Variants in TTC39C observed in about 807,000 individuals in gnomAD.
TTC39C encodes tetratricopeptide repeat protein 39C.
A neutral mutation model predicts 76.3 loss-of-function variants in TTC39C; 33 were observed. That is an observed-to-expected ratio of 0.43 (90% CI 0.33 to 0.58). The LOEUF (loss-of-function observed/expected upper bound fraction) is 0.58, where lower values mean the gene tolerates loss of function less well. Ranked by LOEUF, TTC39C falls within the 20% of genes least tolerant of loss-of-function variation. The probability of loss-of-function intolerance (pLI) is 0.04; values close to 1 mark genes in which losing one functional copy is unlikely to be tolerated. For synonymous variants in TTC39C, 254 were observed against 260.6 expected (o/e 0.97, Z 0.24); for missense variants, 595 against 701.4 (o/e 0.85, Z 1.71).
At chr18:24,003,201 C>T (rs549435584) in intron 1 of TTC39C, among the ~76,000 whole-genome samples, 4 of 152,192 alleles carry the variant, frequency 2.6e-5, no homozygotes, top group Admixed American at 6.5e-5. Flanking sequence ...TGCCATTGCT[C>T]CTCTGCCTGG....
At chr18:24,127,780 TGGGGGGATTACC>T (rs1158475866) in intron 10 of TTC39C, among the ~76,000 whole-genome samples, 1 of 152,114 alleles carries the variant, frequency 6.6e-6, no homozygotes, top group Non-Finnish European at 1.5e-5. Flanking sequence ...TCTTCCAAAG[TGGGGGGATTACC>T]AGCATAAGCC....
chr18:24,050,014 C>A (rs1316925702), intron 1 of TTC39C, among the ~76,000 whole-genome samples: 1 of 152,176 alleles, frequency 6.6e-6, no homozygotes, highest in East Asian at 1.9e-4. Context: ...CCTTGGCCTT[C>A]ATTTGGCTTT....
rs1223337417 is a variant in TTC39C at position 24,022,564 on chromosome 18, CAT to C, written c.167+7527_167+7528del. 4.1e-6 allele frequency: 4 copies of C among 985,260 alleles called. No individual in the cohort carries two copies. In the East Asian group the frequency reaches 3.4e-4, roughly 84 times the overall value. The allele number at this position is 985,260 out of a possible 1,614,324, so 61.0% of individuals were successfully genotyped here. ...AGAACTTCTACAGTAAAAGGATTCA[CAT>C]GTGTCCTGTCAAAGCCATTTTGGGG... On this transcript the variant is annotated intron_variant, in intron 1 of 13. Transcript: ENST00000317571.
At chr18:24,027,884 G>C (rs1271711379) in intron 1 of TTC39C, among the ~76,000 whole-genome samples, 1 of 250 alleles carries the variant, frequency 4.0e-3, no homozygotes, top group Non-Finnish European at 0.029. Context: ...CCTATCCAAG[G>C]CTGCATGGGG....
chr18:23,995,233 C>T (rs1212193254), intron 1 of TTC39C, among the ~76,000 whole-genome samples: 2 of 152,198 alleles, frequency 1.3e-5, no homozygotes, highest in South Asian at 2.1e-4. Context: ...TTTGGGAGGC[C>T]GAGACGGGTG....
At chr18:24,093,586 A>G (rs2084554285) in intron 6 of TTC39C, among the ~76,000 whole-genome samples, 1 of 152,162 alleles carries the variant, frequency 6.6e-6, no homozygotes, top group Non-Finnish European at 1.5e-5. Context: ...ATGACTTTCA[A>G]CTAAGATATA....
intron 6 of TTC39C, chr18:24,113,702 AAACTG>A (rs2084848815): frequency 1.4e-6 from 1 of 702,190 alleles, no homozygotes; most frequent in South Asian, 1.5e-5. Context: ...GCCTAAGATT[AAACTG>A]ATGCTTTGAA....
intron 6 of TTC39C, among the ~76,000 whole-genome samples, chr18:24,099,830 T>C (rs2145788264): frequency 6.6e-6 from 1 of 152,262 alleles, no homozygotes; most frequent in South Asian, 2.1e-4. Context: ...ATATATTTAC[T>C]TATATCCATT....
upstream of TTC39C, chr18:24,012,886 CGCAT>C (rs2083404772): frequency 7.0e-6 from 1 of 142,510 alleles, no homozygotes; most frequent in African/African-American, 2.6e-5. Flanking sequence ...CACACACACA[CGCAT>C]AAATTTATTT....
chr18:24,089,341 G>A (rs994276293), intron 6 of TTC39C, among the ~76,000 whole-genome samples: 2 of 152,164 alleles, frequency 1.3e-5, no homozygotes, highest in Non-Finnish European at 2.9e-5. Flanking sequence ...CAGGAAAAAG[G>A]CAATGCAGGA....
chr18:24,078,848 G>A (rs962564675), intron 4 of TTC39C, among the ~76,000 whole-genome samples: 6 of 152,146 alleles, frequency 3.9e-5, no homozygotes, highest in African/African-American at 1.4e-4. Flanking sequence ...TATCAGTCCT[G>A]GAAATGGTAA....
intron 1 of TTC39C, among the ~76,000 whole-genome samples, chr18:24,023,836 A>G (rs1278334145): frequency 3.2e-5 from 2 of 63,140 alleles, no homozygotes; most frequent in Non-Finnish European, 8.4e-5. Context: ...TTATGATTGT[A>G]ATTCCCCTTT....
At position 24,110,151 on chromosome 18, in the gene TTC39C, C is replaced by T. The variant is rs114713412; in HGVS notation, c.985-4403C>T. Among the ~76,000 whole-genome samples, 584 of 152,314 alleles carry T rather than the reference C, an allele frequency of 3.8e-3. 6 individuals carry two copies. Among genetic ancestry groups the T allele is most frequent in the African/African-American group, 0.013 (554 of 41,568 alleles). On this transcript the variant is annotated intron_variant, in intron 6 of 13. Transcript: ENST00000317571. Reference sequence around the variant, plus strand: ...CCTCAGGTAATATGTTCCTGTTATTCCCTGCATTAAGGAAATCATTGATAA... The same window carrying T: ...CCTCAGGTAATATGTTCCTGTTATTTCCTGCATTAAGGAAATCATTGATAA...
At chr18:24,009,740 G>T (rs1411725799) in intron 1 of TTC39C, among the ~76,000 whole-genome samples, 1 of 152,224 alleles carries the variant, frequency 6.6e-6, no homozygotes, top group African/African-American at 2.4e-5. Context: ...TTCTTCCCCA[G>T]TTTTGTCCCT....
chr18:24,011,676 T>C (rs943714532), upstream of TTC39C, among the ~76,000 whole-genome samples: 1 of 152,228 alleles, frequency 6.6e-6, no homozygotes, highest in Non-Finnish European at 1.5e-5. Flanking sequence ...TTACTGATCA[T>C]TTGAAATTAA....
intron 6 of TTC39C, among the ~76,000 whole-genome samples, chr18:24,084,150 A>T (rs747067148): frequency 5.9e-5 from 9 of 152,168 alleles, no homozygotes; most frequent in Admixed American, 1.3e-4. Flanking sequence ...AGTGCTTTGT[A>T]TATGGAAGAT....
chr18:24,053,384 C>T (rs2083977418), intron 1 of TTC39C, among the ~76,000 whole-genome samples: 1 of 152,182 alleles, frequency 6.6e-6, no homozygotes, highest in African/African-American at 2.4e-5. Context: ...CACTGTTCTT[C>T]CTTCCTGTCG....
intron 8 of TTC39C, among the ~76,000 whole-genome samples, chr18:24,122,301 G>C (rs771975343): frequency 6.6e-6 from 1 of 151,614 alleles, no homozygotes; most frequent in African/African-American, 2.4e-5. Context: ...GGCATATCAC[G>C]AGTACAAGAG....
intron 1 of TTC39C, among the ~76,000 whole-genome samples, chr18:24,046,227 C>T (rs1207930697): frequency 4.6e-5 from 7 of 151,752 alleles, no homozygotes; most frequent in South Asian, 2.1e-4. Context: ...CATGAGCCAC[C>T]GTGCCCAGCC....
Sources: gnomAD v4.1 joint callset for allele counts (sites outside exome capture counted in the v4.1 genomes callset) on GRCh38, gnomAD v4.1.1 for gene constraint, MANE v1.5 for transcripts, NCBI Gene and HGNC (gene_info 2026-07-23, HGNC 2026-07-21) for gene names.